MN1: variants seen among roughly 807,000 people sequenced by gnomAD.
MN1 encodes the protein transcriptional activator MN1.
A neutral mutation model predicts 86.9 loss-of-function variants in MN1; 19 were observed. The ratio of observed to expected loss-of-function variants is 0.22; its 90% CI spans 0.15 to 0.32. The LOEUF (loss-of-function observed/expected upper bound fraction) is 0.32, where lower values mean the gene tolerates loss of function less well. Ranked by LOEUF, MN1 falls within the 10% of genes least tolerant of loss-of-function variation. MN1 has a pLI of 1.00. For synonymous variants in MN1, 928 were observed against 849.6 expected (o/e 1.09, Z -1.60); for missense variants, 1,841 against 1,862.0 (o/e 0.99, Z 0.21).
intron 1 of MN1, among the ~76,000 whole-genome samples, chr22:27,784,657 C>G (rs60708322): frequency 6.6e-6 from 1 of 152,158 alleles, no homozygotes; most frequent in Non-Finnish European, 1.5e-5. Flanking sequence ...GGGAAAATTG[C>G]ATTTTTATCT....
rs990115072 is a variant in MN1, at chr22:27,763,674, A to T, written c.3782-12578T>A. Among the ~76,000 whole-genome samples the T allele has an allele frequency of 2.7e-4, 41 of 152,328 alleles. 1 individual carries two copies. Among genetic ancestry groups the T allele is most frequent in the African/African-American group, 9.1e-4 (38 of 41,576 alleles). On this transcript the variant is annotated intron_variant, in intron 1 of 1. Transcript: ENST00000302326. ...GGGAGTCCTCGTGAGGCCACTAACA[A>T]CGTGGCAATGAGCTGATCACAGCCA...
intron 1 of MN1, among the ~76,000 whole-genome samples, chr22:27,777,686 G>A (rs182907333): frequency 0.011 from 1,652 of 145,724 alleles, 13 homozygotes; most frequent in Middle Eastern, 0.017. Context: ...TGGTGAAACC[G>A]TGTCTCTACT....
chr22:27,775,811 G>T (rs563136710), intron 1 of MN1, among the ~76,000 whole-genome samples: 1 of 152,306 alleles, frequency 6.6e-6, no homozygotes, highest in East Asian at 1.9e-4. Flanking sequence ...GGCCCCAAAG[G>T]GTTAAGCTCA....
chr22:27,765,345 C>G (rs1932861261), intron 1 of MN1, among the ~76,000 whole-genome samples: 1 of 152,160 alleles, frequency 6.6e-6, no homozygotes. Context: ...TGGGCTACAG[C>G]AGAAACCTCT....
At chr22:27,753,420 C>T (rs1601320739) in intron 1 of MN1, among the ~76,000 whole-genome samples, 1 of 152,164 alleles carries the variant, frequency 6.6e-6, no homozygotes, top group African/African-American at 2.4e-5. Context: ...ATGTCATCTC[C>T]CCTGGGGCCT....
chr22:27,755,696 TCA>T (rs1248763651), intron 1 of MN1, among the ~76,000 whole-genome samples: 1 of 152,148 alleles, frequency 6.6e-6, no homozygotes, highest in Non-Finnish European at 1.5e-5. Context: ...CTGCAGAGGT[TCA>T]GTCTGCCCCC....
rs552349755 is a variant in MN1 at position 27,779,754 on chromosome 22, C to G, written c.3781+17009G>C. On this transcript the variant is annotated intron_variant, in intron 1 of 1. Coordinates refer to ENST00000302326, the MANE Select transcript of MN1 (RefSeq NM_002430.3). ...AAGAAAAGCTGCCAGAAAGTGAACG[C>G]CAGGCCTGGGTCACCCAGGGGCCCA... 9.4e-4 allele frequency among the ~76,000 whole-genome samples: 143 copies of G among 152,260 alleles called. 1 individual carries two copies. The highest frequency in any genetic ancestry group is 3.4e-3 in the Middle Eastern group (1 of 294).
rs1359984523 is a variant in MN1 at position 27,750,868 on chromosome 22, C to T, written c.*47G>A. 8 of 1,487,616 alleles carry T rather than the reference C, an allele frequency of 5.4e-6. No individual in the cohort carries two copies. Among genetic ancestry groups the T allele is most frequent in the Admixed American group, 4.0e-5 (2 of 50,224 alleles). The allele number at this position is 1,487,616 out of a possible 1,614,324, so 92.2% of individuals were successfully genotyped here. ...TAAGGTTGAGGGGGAAGGAAACAGA[C>T]AGGGGGAGAGGAAGGGCCTGGTAGA... On this transcript the variant is annotated 3_prime_UTR_variant, in exon 2 of 2. Transcript: ENST00000302326.
intron 1 of MN1, among the ~76,000 whole-genome samples, chr22:27,782,554 T>G (rs1305128938): frequency 6.6e-6 from 1 of 152,220 alleles, no homozygotes; most frequent in Non-Finnish European, 1.5e-5. Context: ...TGGTATATAG[T>G]CAGTGCTCAG....
chr22:27,771,487 G>A (rs1932915363), intron 1 of MN1, among the ~76,000 whole-genome samples: 2 of 151,856 alleles, frequency 1.3e-5, no homozygotes, highest in South Asian at 2.1e-4. Context: ...TCAGCCTCCC[G>A]AAGTGCTAGG....
At position 27,800,573 on chromosome 22, in the gene MN1, GGGCAT is replaced by G; in HGVS notation, c.-35_-31del. ...GGCGGGGGGCAGAGGGGGATCAATA[GGGCAT>G]GACAGCCGGCTCTCCGCGGCGCGCC... On this transcript the variant is annotated 5_prime_UTR_variant, in exon 1 of 2. The change abolishes an upstream ATG in the 5' untranslated region. Transcript: ENST00000302326. 2 of 1,613,196 alleles carry G rather than the reference GGGCAT, an allele frequency of 1.2e-6. No homozygotes were observed. Among genetic ancestry groups the G allele is most frequent in the Non-Finnish European group, 1.7e-6 (2 of 1,179,952 alleles).
At position 27,750,719 on chromosome 22, in the gene MN1, G is replaced by A; in HGVS notation, c.*196C>T. On this transcript the variant is annotated 3_prime_UTR_variant, in exon 2 of 2. Coordinates refer to ENST00000302326, the MANE Select transcript of MN1 (RefSeq NM_002430.3). Reference sequence around the variant, plus strand: ...TTTCTTTTTTAAAAAAACTTTTGAGGTTCCCCCCCTTTAAATTAACCCTTT... The same window carrying A: ...TTTCTTTTTTAAAAAAACTTTTGAGATTCCCCCCCTTTAAATTAACCCTTT... 2.3e-6 allele frequency: 1 copy of A among 442,494 alleles called. No homozygotes were observed. Among genetic ancestry groups the A allele is most frequent in the Non-Finnish European group, 3.9e-6 (1 of 254,572 alleles). 27.4% of individuals were successfully genotyped at this position (442,494 alleles called of 1,614,324 possible).
At position 27,750,083 on chromosome 22, in the gene MN1, A is replaced by T. The variant is rs186354250; in HGVS notation, c.*832T>A. Reference sequence around the variant, plus strand: ...GGCCTGGGCATTTGCGAGGAGGCCCAGAAAAGGAGAGAAAACACTGCTGTC... The same window carrying T: ...GGCCTGGGCATTTGCGAGGAGGCCCTGAAAAGGAGAGAAAACACTGCTGTC... On this transcript the variant is annotated 3_prime_UTR_variant, in exon 2 of 2. Transcript: ENST00000302326. The T allele has an allele frequency of 4.3e-6, 1 of 231,804 alleles. No homozygotes were observed. The highest frequency in any genetic ancestry group is 6.1e-5 in the East Asian group (1 of 16,374). The allele number at this position is 231,804 out of a possible 1,614,324, so 14.4% of individuals were successfully genotyped here.
chr22:27,751,752 G>A (rs1296462651), intron 1 of MN1, among the ~76,000 whole-genome samples: 1 of 152,158 alleles, frequency 6.6e-6, no homozygotes, highest in Non-Finnish European at 1.5e-5. Context: ...CCTTTCCAGA[G>A]GAGCAGGAAG....
At chr22:27,788,682 T>A (rs1348898463) in intron 1 of MN1, among the ~76,000 whole-genome samples, 1 of 148,458 alleles carries the variant, frequency 6.7e-6, no homozygotes, top group Non-Finnish European at 1.5e-5. Flanking sequence ...AAGTTATGTG[T>A]GTGTGTGTGC....
chr22:27,775,116 G>A (rs779427250), intron 1 of MN1, among the ~76,000 whole-genome samples: 2 of 152,224 alleles, frequency 1.3e-5, no homozygotes, highest in African/African-American at 4.8e-5. Context: ...TGTGCTCTCA[G>A]GCAGGTCCCT....
At position 27,750,918 on chromosome 22, in the gene MN1, A is replaced by T; in HGVS notation, c.3960T>A (p.Thr1320=). 1 of 1,587,266 alleles carries T rather than the reference A, an allele frequency of 6.3e-7. No homozygotes were observed. Among genetic ancestry groups the T allele is most frequent in the Non-Finnish European group, 8.6e-7 (1 of 1,163,474 alleles). ...AGGAGGGGATCTTTCTTGTCATTCA[A>T]GTTAGGGCAGCCACGAATGTCCCAA... The part of the protein sequence containing the change: ...NRFGTFVAAL[T] Residue 1320 remains threonine (T), a synonymous_variant, in exon 2 of 2, where the codon ACT becomes ACA. Transcript: ENST00000302326.
In MN1 at chr22:27,749,253, G is replaced by A. The variant is rs570241659; in HGVS notation, c.*1662C>T. On this transcript the variant is annotated 3_prime_UTR_variant, in exon 2 of 2. Coordinates refer to ENST00000302326, the MANE Select transcript of MN1 (RefSeq NM_002430.3). ...TGAAAAGTTCTTTGAAATAAACAAC[G>A]TGGGTGTTGTATGGTGAGCCCAGAG... 3 of 231,206 alleles carry A rather than the reference G, an allele frequency of 1.3e-5. No individual in the cohort carries two copies. The highest frequency in any genetic ancestry group is 5.6e-5 in the Admixed American group (1 of 17,716). The allele number at this position is 231,206 out of a possible 1,614,324, so 14.3% of individuals were successfully genotyped here. A position where few individuals can be genotyped will look rare whatever the true frequency, so the allele number is the denominator to read the frequency against.
intron 1 of MN1, among the ~76,000 whole-genome samples, chr22:27,783,625 C>A (rs184602529): frequency 6.6e-6 from 1 of 152,304 alleles, no homozygotes; most frequent in African/African-American, 2.4e-5. Context: ...TGACCTTGGC[C>A]AAGTTGCCTG....
Sources: allele counts gnomAD v4.1 joint callset (sites outside exome capture counted in the v4.1 genomes callset), GRCh38; gene constraint gnomAD v4.1.1; transcripts MANE v1.5; gene names NCBI Gene and HGNC (gene_info 2026-07-23, HGNC 2026-07-21).